PTPRT: variants seen among roughly 807,000 people sequenced by gnomAD.
PTPRT encodes the protein receptor-type tyrosine-protein phosphatase T.
PTPRT carries 56 observed loss-of-function variants against 176.8 expected under a neutral mutation model. That is an observed-to-expected ratio of 0.32 (90% CI 0.26 to 0.40). The LOEUF (loss-of-function observed/expected upper bound fraction) is 0.40, where lower values mean the gene tolerates loss of function less well. Ranked by LOEUF, PTPRT falls within the 10% of genes least tolerant of loss-of-function variation. The probability of loss-of-function intolerance (pLI) is 1.00; values close to 1 mark genes in which losing one functional copy is unlikely to be tolerated. For missense variants in PTPRT, 1,540 were observed against 1,908.2 expected (o/e 0.81, Z 3.60); for synonymous variants, 783 against 739.0 (o/e 1.06, Z -0.96).
chr20:42,677,322 C>T (rs1234280966), intron 7 of PTPRT, among the ~76,000 whole-genome samples: 1 of 151,862 alleles, frequency 6.6e-6, no homozygotes, highest in Non-Finnish European at 1.5e-5. Flanking sequence ...AAGATACAAC[C>T]AAAACCAGAA....
intron 14 of PTPRT, among the ~76,000 whole-genome samples, chr20:42,243,073 G>A (rs2056385567): frequency 6.6e-6 from 1 of 151,458 alleles, no homozygotes; most frequent in African/African-American, 2.4e-5. Context: ...GAGGGAGGGG[G>A]AGAAAGAGAG....
intron 7 of PTPRT, among the ~76,000 whole-genome samples, chr20:42,516,110 G>T (rs1232419108): frequency 8.7e-6 from 1 of 115,078 alleles, no homozygotes; most frequent in African/African-American, 3.3e-5. Context: ...GTTGTGGGGT[G>T]GGGGGAGGGG....
intron 1 of PTPRT, among the ~76,000 whole-genome samples, chr20:42,904,022 T>C (rs1421763682): frequency 2.6e-5 from 4 of 152,126 alleles, no homozygotes; most frequent in African/African-American, 4.8e-5. Context: ...CAAAGAGAGA[T>C]GGTAGGGCAG....
At chr20:42,146,356 G>T (rs930473308) in intron 17 of PTPRT, among the ~76,000 whole-genome samples, 3 of 152,212 alleles carry the variant, frequency 2.0e-5, no homozygotes, top group African/African-American at 4.8e-5. Flanking sequence ...GAAGCCAAAA[G>T]CAGGATAGCA....
chr20:42,355,768 C>T (rs2058350351), intron 9 of PTPRT, among the ~76,000 whole-genome samples: 1 of 152,162 alleles, frequency 6.6e-6, no homozygotes, highest in South Asian at 2.1e-4. Flanking sequence ...CGTCCCCCTG[C>T]TTGGACTGGT....
chr20:42,677,783 T>C, intron 7 of PTPRT, 83 bp downstream of exon 7: 1 of 1,453,154 alleles, frequency 6.9e-7, no homozygotes, highest in South Asian at 1.3e-5. Flanking sequence ...CGGAATTATC[T>C]GTCACAGGAA....
rs1417930987 is a variant in PTPRT, at chr20:42,655,301, C to A, written c.1153+22565G>T. Among the ~76,000 whole-genome samples, 3 of 152,130 alleles carry A rather than the reference C, an allele frequency of 2.0e-5. No homozygotes were observed. The East Asian group carries it at 5.8e-4, about 29-fold the overall frequency. On this transcript the variant is annotated intron_variant, in intron 7 of 30. Transcript: ENST00000373187. ...GTTCAGGAGTTGGAGACCAGCCTGGCCAAACATGGTGAAACCTTGTCTCTA... is the reference window on the plus strand; with the variant it reads ...GTTCAGGAGTTGGAGACCAGCCTGGACAAACATGGTGAAACCTTGTCTCTA...
chr20:42,739,593 G>A (rs1303474648), intron 6 of PTPRT, among the ~76,000 whole-genome samples: 1 of 152,150 alleles, frequency 6.6e-6, no homozygotes, highest in East Asian at 1.9e-4. Flanking sequence ...GAAGCACAGG[G>A]ACAGGCAGAA....
intron 7 of PTPRT, among the ~76,000 whole-genome samples, chr20:42,545,101 T>C (rs1008861143): frequency 1.3e-5 from 2 of 152,186 alleles, no homozygotes; most frequent in African/African-American, 4.8e-5. Context: ...GGCTTGCCCA[T>C]GCACATTTAA....
chr20:42,543,555 T>C (rs2072620775), intron 7 of PTPRT, among the ~76,000 whole-genome samples: 1 of 152,068 alleles, frequency 6.6e-6, no homozygotes, highest in African/African-American at 2.4e-5. Flanking sequence ...AGGGTTAGAA[T>C]CAACTTCTCC....
intron 1 of PTPRT, among the ~76,000 whole-genome samples, chr20:43,159,676 C>A: frequency 6.6e-6 from 1 of 152,176 alleles, no homozygotes; most frequent in Non-Finnish European, 1.5e-5. Flanking sequence ...ACATTGTTCT[C>A]TGGCTGCAGA....
chr20:42,287,249 G>A (rs982839509), intron 12 of PTPRT, among the ~76,000 whole-genome samples: 3 of 151,816 alleles, frequency 2.0e-5, no homozygotes, highest in Admixed American at 2.0e-4. Context: ...TTATCCAAAG[G>A]AAGATAAATC....
intron 6 of PTPRT, among the ~76,000 whole-genome samples, chr20:42,736,103 C>T (rs542772808): frequency 6.6e-6 from 1 of 152,298 alleles, no homozygotes; most frequent in African/African-American, 2.4e-5. Flanking sequence ...TGGACACAGC[C>T]CTTACCTTCG....
chr20:42,667,924 A>AG (rs2075344424), intron 7 of PTPRT, among the ~76,000 whole-genome samples: 1 of 152,106 alleles, frequency 6.6e-6, no homozygotes. Flanking sequence ...ATCTATCCGG[A>AG]GGTCTCACTA....
intron 13 of PTPRT, among the ~76,000 whole-genome samples, chr20:42,267,744 T>C (rs933643796): frequency 2.0e-5 from 3 of 152,116 alleles, no homozygotes; most frequent in African/African-American, 7.2e-5. Context: ...CAGACATCCA[T>C]GGTGCTGGGG....
intron 13 of PTPRT, among the ~76,000 whole-genome samples, chr20:42,250,298 T>C (rs1394744491): frequency 1.3e-5 from 2 of 152,286 alleles, no homozygotes; most frequent in East Asian, 3.9e-4. Context: ...GGTTGTTTAG[T>C]GTTTAGCTAA....
intron 1 of PTPRT, among the ~76,000 whole-genome samples, chr20:42,949,653 A>G (rs745427143): frequency 2.0e-5 from 3 of 152,228 alleles, no homozygotes; most frequent in Non-Finnish European, 4.4e-5. Context: ...GCCTGCTCCA[A>G]TTCATGACCC....
intron 18 of PTPRT, among the ~76,000 whole-genome samples, chr20:42,140,326 A>G (rs906945279): frequency 6.6e-6 from 1 of 152,172 alleles, no homozygotes; most frequent in Non-Finnish European, 1.5e-5. Context: ...CAGGTTGGTT[A>G]CACTGAGTCA....
chr20:42,809,015 C>T (rs541314680), intron 2 of PTPRT, among the ~76,000 whole-genome samples: 3 of 152,302 alleles, frequency 2.0e-5, no homozygotes, highest in South Asian at 2.1e-4. Flanking sequence ...ATCTGGGAAA[C>T]GTGGCTTCTG....
Sources: allele counts gnomAD v4.1 joint callset (sites outside exome capture counted in the v4.1 genomes callset), GRCh38; gene constraint gnomAD v4.1.1; transcripts MANE v1.5; gene names NCBI Gene and HGNC (gene_info 2026-07-23, HGNC 2026-07-21).